The following SLC23A2 variants were observed in gnomAD, a reference collection of about 807,000 sequenced individuals.
The protein encoded by SLC23A2 is Na(+)/L-ascorbic acid transporter 2.
SLC23A2 carries 36 observed loss-of-function variants against 73.3 expected under a neutral mutation model. The observed-to-expected ratio is 0.49, with a 90% CI of 0.38 to 0.65. SLC23A2 has a LOEUF of 0.65. Among genes scored for constraint, SLC23A2 ranks in the 30% least tolerant of loss-of-function variants. SLC23A2 has a pLI of 0.00. For synonymous variants in SLC23A2, 343 were observed against 327.3 expected (o/e 1.05, Z -0.52); for missense variants, 507 against 841.6 (o/e 0.60, Z 4.92).
chr20:4,953,943 G>GA (rs1040846450), intron 2 of SLC23A2, among the ~76,000 whole-genome samples: 12 of 151,794 alleles, frequency 7.9e-5, no homozygotes, highest in African/African-American at 2.9e-4. Flanking sequence ...ACCTTAAAGT[G>GA]AAAAAAAGTA....
chr20:4,962,325 G>A (rs188525898), intron 2 of SLC23A2, among the ~76,000 whole-genome samples: 2 of 152,196 alleles, frequency 1.3e-5, no homozygotes, highest in African/African-American at 4.8e-5. Context: ...CAGAGAGGGA[G>A]GAGACCATGT....
chr20:5,005,800 C>A (rs889562258), upstream of SLC23A2, among the ~76,000 whole-genome samples: 1 of 152,008 alleles, frequency 6.6e-6, no homozygotes, highest in African/African-American at 2.4e-5. Flanking sequence ...CCAGCCTGAC[C>A]AACATGGTGA....
intron 4 of SLC23A2, among the ~76,000 whole-genome samples, chr20:4,909,806 C>T (rs1383799457): frequency 6.6e-6 from 1 of 152,140 alleles, no homozygotes; most frequent in African/African-American, 2.4e-5. Context: ...ATCCACCCAC[C>T]TTGGCCTCCC....
At chr20:4,982,712 A>G (rs1398524683) in intron 1 of SLC23A2, among the ~76,000 whole-genome samples, 1 of 152,196 alleles carries the variant, frequency 6.6e-6, no homozygotes, top group Admixed American at 6.6e-5. Flanking sequence ...TTGAGAATCC[A>G]GAAATAAACC....
At chr20:4,877,199 A>C (rs1338447166) in intron 9 of SLC23A2, among the ~76,000 whole-genome samples, 1 of 152,146 alleles carries the variant, frequency 6.6e-6, no homozygotes, top group Non-Finnish European at 1.5e-5. Flanking sequence ...AAAAATTCCC[A>C]TACTGTATGA....
intron 10 of SLC23A2, 100 bp from the exon 11 acceptor site, chr20:4,874,192 AC>A: frequency 8.8e-7 from 1 of 1,130,120 alleles, no homozygotes; most frequent in Non-Finnish European, 1.3e-6. Context: ...CCCAGAGCCC[AC>A]CACAGTCAGT....
At chr20:4,858,781 G>T (rs1227676882) in intron 16 of SLC23A2, among the ~76,000 whole-genome samples, 1 of 152,138 alleles carries the variant, frequency 6.6e-6, no homozygotes, top group Non-Finnish European at 1.5e-5. Context: ...GCTGCCTCCA[G>T]GCATCTCTTG....
chr20:4,919,632 C>T (rs1932438483), intron 3 of SLC23A2, among the ~76,000 whole-genome samples: 1 of 152,180 alleles, frequency 6.6e-6, no homozygotes, highest in Non-Finnish European at 1.5e-5. Flanking sequence ...TCATGCCTGG[C>T]ACTAGGTTGG....
intron 2 of SLC23A2, among the ~76,000 whole-genome samples, chr20:4,962,996 C>A (rs1188903088): frequency 6.6e-6 from 1 of 151,946 alleles, no homozygotes; most frequent in Non-Finnish European, 1.5e-5. Context: ...AAGACTATCT[C>A]AAAAAAAGTT....
At chr20:4,968,331 A>G (rs563256938) in intron 2 of SLC23A2, among the ~76,000 whole-genome samples, 17 of 152,312 alleles carry the variant, frequency 1.1e-4, no homozygotes, top group Non-Finnish European at 2.4e-4. Context: ...GCTGAACACA[A>G]CAGCCTAACC....
chr20:4,873,958 CG>C lies in SLC23A2; in HGVS notation c.1079del (p.Pro360ArgfsTer56). On this transcript the variant is annotated frameshift_variant, in exon 11 of 17. Transcript: ENST00000338244. LOFTEE classifies it high-confidence loss of function. The part of the protein sequence containing the change: ...DARQGVLLVA[P>X]WFKVPYPFQW... ...TACATGGGTATGGAACCTTAAACCACGGGGCTACCAGAAGCACGCCTTGCCT... is the reference window on the plus strand; with the variant it reads ...TACATGGGTATGGAACCTTAAACCACGGGCTACCAGAAGCACGCCTTGCCT... The C allele has an allele frequency of 6.2e-7, 1 of 1,613,920 alleles. No homozygotes were observed. Among genetic ancestry groups the C allele is most frequent in the Non-Finnish European group, 8.5e-7 (1 of 1,179,866 alleles).
In SLC23A2 at chr20:4,867,924, C is replaced by T. The variant is rs767677669; in HGVS notation, c.1251-49G>A. The T allele has an allele frequency of 6.4e-6, 7 of 1,090,642 alleles. No individual in the cohort carries two copies. The East Asian group carries it at 1.4e-4, about 22-fold the overall frequency. The allele number at this position is 1,090,642 out of a possible 1,614,324, so 67.6% of individuals were successfully genotyped here. ...AAGAAAATCATTCAATGGGATAATG[C>T]ATTCACTCTGAAATAGCCTCTACAC... On this transcript the variant is annotated intron_variant, in intron 12 of 16. Coordinates refer to ENST00000338244, the MANE Select transcript of SLC23A2 (RefSeq NM_005116.6).
At chr20:5,009,910 G>A (rs952281755) in intron 1 of SLC23A2, among the ~76,000 whole-genome samples, 10 of 151,920 alleles carry the variant, frequency 6.6e-5, no homozygotes, top group South Asian at 4.1e-4. Flanking sequence ...CCTGGCTAAC[G>A]TGGTGAAACC....
intron 11 of SLC23A2, among the ~76,000 whole-genome samples, chr20:4,871,215 C>T (rs1257282890): frequency 6.6e-6 from 1 of 152,106 alleles, no homozygotes; most frequent in African/African-American, 2.4e-5. Flanking sequence ...ATGCAGGAGC[C>T]AACAACGTAG....
chr20:4,977,783 C>T (rs1217773541), intron 1 of SLC23A2, among the ~76,000 whole-genome samples: 1 of 151,962 alleles, frequency 6.6e-6, no homozygotes, highest in Non-Finnish European at 1.5e-5. Flanking sequence ...AAGTGATCCT[C>T]CTGCCTCAGC....
chr20:4,905,268 C>T (rs544938380), intron 4 of SLC23A2, among the ~76,000 whole-genome samples: 350 of 152,152 alleles, frequency 2.3e-3, no homozygotes, highest in African/African-American at 7.4e-3. Flanking sequence ...TAAAGGTCCA[C>T]AACTGGTACT....
chr20:4,961,971 G>C (rs1032493723), intron 2 of SLC23A2, among the ~76,000 whole-genome samples: 9 of 152,090 alleles, frequency 5.9e-5, no homozygotes, highest in African/African-American at 2.2e-4. Flanking sequence ...TTGCCCTTAT[G>C]CAAGGCAGCA....
At chr20:4,869,463 GCTCTCTAT>G (rs1370246939) in intron 12 of SLC23A2, 1 of 146,842 alleles carries the variant, frequency 6.8e-6, no homozygotes, top group African/African-American at 2.6e-5. Flanking sequence ...TCAAAGTAGT[GCTCTCTAT>G]CTCTCTCTCT....
chr20:4,958,953 G>A (rs1468668132), intron 2 of SLC23A2, among the ~76,000 whole-genome samples: 1 of 151,874 alleles, frequency 6.6e-6, no homozygotes, highest in African/African-American at 2.4e-5. Flanking sequence ...GCTCATGCCT[G>A]TAATCCTAGC....
Sources: allele counts gnomAD v4.1 joint callset (sites outside exome capture counted in the v4.1 genomes callset), GRCh38; gene constraint gnomAD v4.1.1; transcripts MANE v1.5; gene names NCBI Gene and HGNC (gene_info 2026-07-23, HGNC 2026-07-21).